SHISA4: variants seen among roughly 807,000 people sequenced by gnomAD.
The protein encoded by SHISA4 is shisa family member 4.
SHISA4 carries 16 observed loss-of-function variants against 24.2 expected under a neutral mutation model. That is an observed-to-expected ratio of 0.66 (90% CI 0.45 to 1.00). SHISA4 has a LOEUF of 1.00. Among genes scored for constraint, SHISA4 ranks in the 50% least tolerant of loss-of-function variants. The probability of loss-of-function intolerance (pLI) is 0.00; values close to 1 mark genes in which losing one functional copy is unlikely to be tolerated. For synonymous variants in SHISA4, 106 were observed against 105.4 expected (o/e 1.01, Z -0.04); for missense variants, 238 against 258.9 (o/e 0.92, Z 0.55).
At position 201,889,020 on chromosome 1, in the gene SHISA4, C is replaced by T. The variant is rs1681039064; in HGVS notation, c.26C>T (p.Ala9Val). Residue 9 changes from alanine to valine, a missense_variant, in exon 1 of 5, where the codon GCC becomes GTC. Transcript: ENST00000362011. MPPAGLRR[A>V]APLTAIALLV... is the part of the protein sequence containing the mutation. ...ATGCCACCCGCGGGGCTCCGCCGGG[C>T]CGCGCCGCTCACCGCAATCGCTCTG... The T allele has an allele frequency of 5.8e-6, 8 of 1,380,316 alleles. No individual in the cohort carries two copies. Among genetic ancestry groups the T allele is most frequent in the Non-Finnish European group, 7.5e-6 (8 of 1,067,358 alleles). The allele number at this position is 1,380,316 out of a possible 1,614,324, so 85.5% of individuals were successfully genotyped here.
rs752020167 is a variant in SHISA4, at chr1:201,891,588, C to A, written c.547+20C>A. ...CTGCAGGTAAGTAAGCAATCTGGAG[C>A]CCCTTGCTGCTGCCTTCCCCCACCC... On this transcript the variant is annotated intron_variant, in intron 4 of 4. Coordinates refer to ENST00000362011, the MANE Select transcript of SHISA4 (RefSeq NM_198149.3). The A allele has an allele frequency of 6.3e-7, 1 of 1,594,814 alleles. No individual in the cohort carries two copies. Among genetic ancestry groups the A allele is most frequent in the Admixed American group, 1.7e-5 (1 of 58,900 alleles).
At chr1:201,888,754 G>T, upstream of SHISA4, 1 of 368,416 alleles carries the variant, frequency 2.7e-6, no homozygotes, top group Non-Finnish European at 4.8e-6. Context: ...GCTCTGCTGG[G>T]TGAGGGGCAC....
chr1:201,891,673 T>C, intron 4 of SHISA4, 105 bp downstream of exon 4: 2 of 1,537,576 alleles, frequency 1.3e-6, no homozygotes, highest in Non-Finnish European at 1.8e-6. Flanking sequence ...CCAGACTTCC[T>C]CCACCTCTAG....
intron 3 of SHISA4, among the ~76,000 whole-genome samples, chr1:201,890,841 G>A (rs1681079757): frequency 6.6e-6 from 1 of 152,232 alleles, no homozygotes; most frequent in Non-Finnish European, 1.5e-5. Context: ...CAGGAGTGCA[G>A]TCTGTCAACA....
At position 201,889,063 on chromosome 1, in the gene SHISA4, C is replaced by A; in HGVS notation, c.69C>A (p.Pro23=). The part of the protein sequence containing the change: ...TAIALLVLGA[P]LVLAGEDCLW... ...TCGCTCTGTTGGTGCTGGGGGCTCC[C>A]CTGGGTAAGGGGATGGGGAGAGATG... The change falls in exon 1 of 5, where the codon CCC becomes CCA. Residue 23 remains proline (P), a synonymous_variant. Transcript: ENST00000362011. The A allele has an allele frequency of 7.2e-7, 1 of 1,396,094 alleles. No homozygotes were observed. The highest frequency in any genetic ancestry group is 1.7e-5 in the South Asian group (1 of 58,912). The allele number at this position is 1,396,094 out of a possible 1,614,324, so 86.5% of individuals were successfully genotyped here.
chr1:201,888,715 G>A, upstream of SHISA4: 1 of 336,946 alleles, frequency 3.0e-6, no homozygotes, highest in Non-Finnish European at 5.4e-6. Flanking sequence ...GAACCACCGC[G>A]GAGCCGGGGA....
In SHISA4 at chr1:201,891,737, G is replaced by C. The variant is rs1413029611; in HGVS notation, c.548-63G>C. ...ATGGGTCCTGTCTGCCCCGGGGGCAGGGGTGTTACTTTTCGTCCACCTATG... is the reference window on the plus strand; with the variant it reads ...ATGGGTCCTGTCTGCCCCGGGGGCACGGGTGTTACTTTTCGTCCACCTATG... On this transcript the variant is annotated intron_variant, in intron 4 of 4. Coordinates refer to ENST00000362011, the MANE Select transcript of SHISA4 (RefSeq NM_198149.3). 17 of 1,595,128 alleles carry C rather than the reference G, an allele frequency of 1.1e-5. No individual in the cohort carries two copies. The Admixed American group carries it at 2.7e-4, about 25-fold the overall frequency.
At chr1:201,891,664 C>A in intron 4 of SHISA4, 96 bp downstream of exon 4, 1 of 1,535,850 alleles carries the variant, frequency 6.5e-7, no homozygotes, top group East Asian at 2.3e-5. Flanking sequence ...TTCCCTCTCC[C>A]AGACTTCCTC....
Position 201,891,395 on chromosome 1 carries a change from A to G in SHISA4, c.380-6A>G. ...CTCTGAATGCTGATCCTTCTCCCCC[A>G]TCTAGGCCAGGAGATTCCAATGACA... is the stretch of plus-strand genomic sequence containing the variant. On this transcript the variant is annotated splice_region_variant and splice_polypyrimidine_tract_variant and intron_variant, in intron 3 of 4. Coordinates refer to ENST00000362011, the MANE Select transcript of SHISA4 (RefSeq NM_198149.3). 1.2e-6 allele frequency: 2 copies of G among 1,613,746 alleles called. No homozygotes were observed. The highest frequency in any genetic ancestry group is 1.7e-6 in the Non-Finnish European group (2 of 1,179,856).
intron 4 of SHISA4, 34 bp downstream of exon 4, chr1:201,891,602 C>T (rs1054546533): frequency 2.5e-6 from 4 of 1,587,268 alleles, no homozygotes; most frequent in Non-Finnish European, 1.7e-6. Context: ...TTGCTGCTGC[C>T]TTCCCCCACC....
chr1:201,888,993 C>G lies in SHISA4; in HGVS notation c.-2C>G, dbSNP rs771460351. Reference sequence around the variant, plus strand: ...CGACCCCGGCCGCGCCCAGCCCCCACCATGCCACCCGCGGGGCTCCGCCGG... The same window carrying G: ...CGACCCCGGCCGCGCCCAGCCCCCAGCATGCCACCCGCGGGGCTCCGCCGG... On this transcript the variant is annotated 5_prime_UTR_variant, in exon 1 of 5. Transcript: ENST00000362011. 133 of 1,394,016 alleles carry G rather than the reference C, an allele frequency of 9.5e-5. No individual in the cohort carries two copies. Among genetic ancestry groups the G allele is most frequent in the Middle Eastern group, 6.9e-4 (3 of 4,344 alleles). The allele number at this position is 1,394,016 out of a possible 1,614,324, so 86.4% of individuals were successfully genotyped here.
Position 201,888,947 on chromosome 1 carries a change from C to A in SHISA4, c.-48C>A. 7.7e-7 allele frequency: 1 copy of A among 1,302,666 alleles called. No individual in the cohort carries two copies. The highest frequency in any genetic ancestry group is 1.0e-6 in the Non-Finnish European group (1 of 1,004,152). 80.7% of individuals were successfully genotyped at this position (1,302,666 alleles called of 1,614,324 possible). A position where few individuals can be genotyped will look rare whatever the true frequency, so the allele number is the denominator to read the frequency against. ...GCTCCAGCTGGCCGGCTTGGTCCTGCGGTCCCTTCTCTGGGAGGCCCGACC... is the reference window on the plus strand; with the variant it reads ...GCTCCAGCTGGCCGGCTTGGTCCTGAGGTCCCTTCTCTGGGAGGCCCGACC... On this transcript the variant is annotated 5_prime_UTR_variant, in exon 1 of 5. Coordinates refer to ENST00000362011, the MANE Select transcript of SHISA4 (RefSeq NM_198149.3).
rs1330502509 is a variant in SHISA4 at position 201,888,925 on chromosome 1, C to G, written c.-70C>G. The G allele has an allele frequency of 4.4e-6, 5 of 1,130,574 alleles. No individual in the cohort carries two copies. Among genetic ancestry groups the G allele is most frequent in the East Asian group, 3.2e-5 (1 of 30,908 alleles). 70.0% of individuals were successfully genotyped at this position (1,130,574 alleles called of 1,614,324 possible). On this transcript the variant is annotated 5_prime_UTR_variant, in exon 1 of 5. Transcript: ENST00000362011. Reference sequence around the variant, plus strand: ...CCGCGGGCTGGGCCCCGCCGCAGCTCCAGCTGGCCGGCTTGGTCCTGCGGT... The same window carrying G: ...CCGCGGGCTGGGCCCCGCCGCAGCTGCAGCTGGCCGGCTTGGTCCTGCGGT...
chr1:201,891,963 AC>A lies in SHISA4; in HGVS notation c.*119del. The A allele has an allele frequency of 4.7e-6, 6 of 1,263,886 alleles. No homozygotes were observed. The Middle Eastern group carries it at 9.3e-4, about 196-fold the overall frequency. The allele number at this position is 1,263,886 out of a possible 1,614,324, so 78.3% of individuals were successfully genotyped here. A position where few individuals can be genotyped will look rare whatever the true frequency, so the allele number is the denominator to read the frequency against. ...GAGTCCTCCAGCCACCAGGCCCCAG[AC>A]CAAGCCAAGCCCTGGGCCCTACTGG... On this transcript the variant is annotated 3_prime_UTR_variant, in exon 5 of 5. Transcript: ENST00000362011.
chr1:201,889,733 A>C, intron 2 of SHISA4, 117 bp downstream of exon 2: 1 of 1,242,590 alleles, frequency 8.0e-7, no homozygotes. Context: ...TCTTAGCTGA[A>C]TAGAGTCACC....
intron 4 of SHISA4, 87 bp from the exon 5 acceptor site, chr1:201,891,713 T>A: frequency 6.4e-7 from 1 of 1,562,790 alleles, no homozygotes. Flanking sequence ...CTCTTCCCTA[T>A]GGGTCCTGTC....
rs1459549965 is a variant in SHISA4 at position 201,892,198 on chromosome 1, TG to T, written c.*358del. 3.7e-5 allele frequency: 3 copies of T among 80,306 alleles called. No homozygotes were observed. Among genetic ancestry groups the T allele is most frequent in the South Asian group, 1.8e-4 (1 of 5,464 alleles). The allele number at this position is 80,306 out of a possible 1,614,324, so 5.0% of individuals were successfully genotyped here. A position where few individuals can be genotyped will look rare whatever the true frequency, so the allele number is the denominator to read the frequency against. Reference sequence around the variant, plus strand: ...ACTGTTTGTCCCCTCTGGGCTGGGGTGGGGGGAGGGAGGAGGTTCCGTCAGC... The same window carrying T: ...ACTGTTTGTCCCCTCTGGGCTGGGGTGGGGGAGGGAGGAGGTTCCGTCAGC... On this transcript the variant is annotated 3_prime_UTR_variant, in exon 5 of 5. Transcript: ENST00000362011.
intron 3 of SHISA4, among the ~76,000 whole-genome samples, chr1:201,891,016 C>G (rs1465226836): frequency 6.6e-6 from 1 of 152,092 alleles, no homozygotes; most frequent in East Asian, 1.9e-4. Context: ...GACATGGGGA[C>G]AGTGATGCCA....
In SHISA4 at chr1:201,889,009, G is replaced by T. The variant is rs1204259231; in HGVS notation, c.15G>T (p.Gly5=). 61 of 1,382,574 alleles carry T rather than the reference G, an allele frequency of 4.4e-5. 1 individual carries two copies. The highest frequency in any genetic ancestry group is 5.4e-5 in the Non-Finnish European group (58 of 1,068,150). 85.6% of individuals were successfully genotyped at this position (1,382,574 alleles called of 1,614,324 possible). ...CAGCCCCCACCATGCCACCCGCGGG[G>T]CTCCGCCGGGCCGCGCCGCTCACCG... MPPA[G]LRRAAPLTAI... The change falls in exon 1 of 5, where the codon GGG becomes GGT. Residue 5 remains glycine (G), a synonymous_variant. Coordinates refer to ENST00000362011, the MANE Select transcript of SHISA4 (RefSeq NM_198149.3).
Sources: gnomAD v4.1 joint callset for allele counts (sites outside exome capture counted in the v4.1 genomes callset) on GRCh38, gnomAD v4.1.1 for gene constraint, MANE v1.5 for transcripts, NCBI Gene and HGNC (gene_info 2026-07-23, HGNC 2026-07-21) for gene names.